Variants in CHST11 observed in about 807,000 individuals in gnomAD.
The protein encoded by CHST11 is carbohydrate sulfotransferase 11.
CHST11 carries 9 observed loss-of-function variants against 30.4 expected under a neutral mutation model. The observed-to-expected ratio is 0.30, with a 90% CI of 0.18 to 0.52. The LOEUF (loss-of-function observed/expected upper bound fraction) is 0.52. CHST11 is among the 20% of genes least tolerant of loss of function. The pLI is 0.97. For missense variants in CHST11, 348 were observed against 460.6 expected, an observed-to-expected ratio of 0.76 and a Z score of 2.24; for synonymous variants, 152 against 187.8, an observed-to-expected ratio of 0.81 and a Z score of 1.56.
At chr12:104,602,021 A>AT (rs1204278482) in intron 2 of CHST11, 30 bp downstream of exon 2, 5 of 1,462,624 alleles carry the variant, frequency 3.4e-6, no homozygotes, top group East Asian at 2.5e-5. Context: ...TCAGCATGTG[A>AT]ATTTTTTTTT....
At chr12:104,580,739 G>A (rs2038734829) in intron 1 of CHST11, among the ~76,000 whole-genome samples, 1 of 152,140 alleles carries the variant, frequency 6.6e-6, no homozygotes, top group African/African-American at 2.4e-5. Context: ...ACTTCAGTTG[G>A]AAGGAAGGGG....
intron 1 of CHST11, among the ~76,000 whole-genome samples, chr12:104,595,468 G>A (rs1472453243): frequency 1.3e-5 from 2 of 152,168 alleles, no homozygotes; most frequent in Non-Finnish European, 2.9e-5. Context: ...TCTAGGGCTT[G>A]TTTAACCCAT....
chr12:104,598,939 C>T (rs1026740759), intron 1 of CHST11, among the ~76,000 whole-genome samples: 3 of 150,998 alleles, frequency 2.0e-5, no homozygotes, highest in South Asian at 2.1e-4. Context: ...CTGTCAGTCT[C>T]GAGGCTCAGC....
intron 1 of CHST11, chr12:104,552,988 T>G (rs1266876074): frequency 6.6e-6 from 1 of 152,212 alleles, no homozygotes; most frequent in East Asian, 1.9e-4. Flanking sequence ...TAACTAGTTA[T>G]AACTGTGGTG....
chr12:104,723,168 C>T (rs935638229), intron 2 of CHST11, among the ~76,000 whole-genome samples: 3 of 152,132 alleles, frequency 2.0e-5, no homozygotes, highest in Non-Finnish European at 4.4e-5. Context: ...GTATTAACAA[C>T]AATGACAACA....
intron 2 of CHST11, among the ~76,000 whole-genome samples, chr12:104,721,443 C>T (rs768580568): frequency 1.2e-4 from 18 of 152,170 alleles, no homozygotes; most frequent in Non-Finnish European, 2.5e-4. Context: ...AGAGTCAGAT[C>T]GGTTCATGTA....
intron 1 of CHST11, among the ~76,000 whole-genome samples, chr12:104,463,411 C>T (rs1357545162): frequency 6.6e-6 from 1 of 152,194 alleles, no homozygotes; most frequent in Non-Finnish European, 1.5e-5. Context: ...TAATTTGATG[C>T]ATCTTAGATC....
Position 104,758,432 on chromosome 12 carries a change from G to T in CHST11, c.*629G>T, listed in dbSNP as rs2040497868. 1 of 152,144 alleles carries T rather than the reference G, an allele frequency of 6.6e-6. No homozygotes were observed. Among genetic ancestry groups the T allele is most frequent in the African/African-American group, 2.4e-5 (1 of 41,416 alleles). The allele number at this position is 152,144 out of a possible 1,614,324, so 9.4% of individuals were successfully genotyped here. On this transcript the variant is annotated 3_prime_UTR_variant, in exon 3 of 3. Transcript: ENST00000303694. ...TTTTTTTAACCCAAGGAGAAAGTTG[G>T]TTGTAACAATTTTTCACCAGAATTA...
intron 2 of CHST11, 57 bp downstream of exon 2, chr12:104,602,048 C>T (rs1427643507): frequency 1.6e-6 from 2 of 1,217,732 alleles, no homozygotes; most frequent in South Asian, 2.5e-5. Flanking sequence ...GGTATGGATA[C>T]TAAAAACTCT....
chr12:104,756,908 G>T, intron 2 of CHST11, 41 bp from the exon 3 acceptor site: 1 of 1,574,426 alleles, frequency 6.4e-7, no homozygotes, highest in East Asian at 2.2e-5. Flanking sequence ...AATGTTTCAG[G>T]CAAGTACTGA....
intron 2 of CHST11, among the ~76,000 whole-genome samples, chr12:104,754,576 G>A (rs951475704): frequency 3.9e-5 from 6 of 152,142 alleles, no homozygotes; most frequent in Non-Finnish European, 8.8e-5. Flanking sequence ...CGTGTTCATC[G>A]TTGCTTCTAC....
chr12:104,687,291 A>G (rs1248913174), intron 2 of CHST11, among the ~76,000 whole-genome samples: 1 of 152,246 alleles, frequency 6.6e-6, no homozygotes, highest in Non-Finnish European at 1.5e-5. Flanking sequence ...TGTTGACTGA[A>G]TTCGTAAAAG....
intron 1 of CHST11, among the ~76,000 whole-genome samples, chr12:104,569,021 A>C (rs1235608836): frequency 6.6e-6 from 1 of 152,150 alleles, no homozygotes; most frequent in Non-Finnish European, 1.5e-5. Context: ...TTAGCTCATT[A>C]ATCCCCACAA....
chr12:104,608,338 G>A (rs1026920607), intron 2 of CHST11, among the ~76,000 whole-genome samples: 3 of 152,072 alleles, frequency 2.0e-5, no homozygotes, highest in African/African-American at 7.3e-5. Flanking sequence ...AGGACACATA[G>A]TCCTCCTGTG....
chr12:104,670,481 A>ACACT (rs1369770887), intron 2 of CHST11, among the ~76,000 whole-genome samples: 3 of 149,350 alleles, frequency 2.0e-5, no homozygotes, highest in Non-Finnish European at 4.4e-5. Flanking sequence ...CCACACACAC[A>ACACT]CACACTCACA....
intron 2 of CHST11, among the ~76,000 whole-genome samples, chr12:104,616,973 A>G (rs1158921198): frequency 6.6e-6 from 1 of 151,988 alleles, no homozygotes; most frequent in African/African-American, 2.4e-5. Context: ...GCTTCCAGAA[A>G]CCCTGGAAAA....
intron 1 of CHST11, among the ~76,000 whole-genome samples, chr12:104,521,714 C>T (rs2038075469): frequency 2.6e-5 from 4 of 152,174 alleles, no homozygotes; most frequent in African/African-American, 9.7e-5. Flanking sequence ...ACTCTGTCCT[C>T]TGGGGATCCC....
chr12:104,478,851 G>T (rs1024119508), intron 1 of CHST11, among the ~76,000 whole-genome samples: 4 of 152,114 alleles, frequency 2.6e-5, no homozygotes, highest in Non-Finnish European at 5.9e-5. Flanking sequence ...CTAGTCTCTG[G>T]TCATTTGGGG....
At chr12:104,709,546 A>G (rs887317975) in intron 2 of CHST11, among the ~76,000 whole-genome samples, 1 of 152,206 alleles carries the variant, frequency 6.6e-6, no homozygotes, top group Non-Finnish European at 1.5e-5. Flanking sequence ...GACTGGGAAC[A>G]TCTTATTTAA....
Sources: allele counts gnomAD v4.1 joint callset (sites outside exome capture counted in the v4.1 genomes callset), GRCh38; gene constraint gnomAD v4.1.1; transcripts MANE v1.5; gene names NCBI Gene and HGNC (gene_info 2026-07-23, HGNC 2026-07-21).